Variants in KITLG observed in about 807,000 individuals in gnomAD.
The protein encoded by KITLG is KIT ligand.
KITLG carries 13 observed loss-of-function variants against 34.1 expected under a neutral mutation model. That is an observed-to-expected ratio of 0.38 (90% CI 0.25 to 0.61). KITLG has a LOEUF of 0.61. Ranked by LOEUF, KITLG falls within the 20% of genes least tolerant of loss-of-function variation. The pLI is 0.60. For missense variants in KITLG, 292 were observed against 318.9 expected, an observed-to-expected ratio of 0.92 and a Z score of 0.64; for synonymous variants, 110 against 104.0, an observed-to-expected ratio of 1.06 and a Z score of -0.35.
At chr12:88,566,951 G>A (rs576725206) in intron 1 of KITLG, among the ~76,000 whole-genome samples, 24 of 152,264 alleles carry the variant, frequency 1.6e-4, no homozygotes, top group African/African-American at 5.8e-4. Context: ...GATCTCCTGC[G>A]CTGTCAGTAA....
At chr12:88,574,496 C>T (rs563929603) in intron 1 of KITLG, among the ~76,000 whole-genome samples, 3 of 152,224 alleles carry the variant, frequency 2.0e-5, no homozygotes, top group Admixed American at 1.3e-4. Context: ...CTCCGTGTCT[C>T]CAGCTGCAGC....
intron 1 of KITLG, among the ~76,000 whole-genome samples, chr12:88,548,626 G>A (rs1358173901): frequency 6.6e-6 from 1 of 152,120 alleles, no homozygotes; most frequent in Non-Finnish European, 1.5e-5. Context: ...TAGCTGAGCA[G>A]CTTTTTAGGG....
intron 1 of KITLG, among the ~76,000 whole-genome samples, chr12:88,557,160 TTC>T (rs1411836344): frequency 7.9e-5 from 12 of 152,222 alleles, no homozygotes; most frequent in Non-Finnish European, 1.6e-4. Context: ...AACTCAGCAT[TTC>T]TCTTTTTTAA....
At chr12:88,569,351 C>T (rs1293420082) in intron 1 of KITLG, among the ~76,000 whole-genome samples, 3 of 152,174 alleles carry the variant, frequency 2.0e-5, no homozygotes, top group African/African-American at 4.8e-5. Context: ...CTACATTACT[C>T]AGGACAAAAG....
At position 88,544,517 on chromosome 12, in the gene KITLG, A is replaced by C. The variant is rs112989203; in HGVS notation, c.129+1235T>G. ...TTTTTAAACAGTATGTTTTTAAAAA[A>C]AAAAAAGTACTCCCCCCTCACCCCC... On this transcript the variant is annotated intron_variant, in intron 2 of 9. Transcript: ENST00000644744. Among the ~76,000 whole-genome samples, 313 of 151,626 alleles carry C rather than the reference A, an allele frequency of 2.1e-3. 1 individual carries two copies. The highest frequency in any genetic ancestry group is 7.5e-3 in the African/African-American group (309 of 41,450).
chr12:88,518,791 T>G lies in KITLG; in HGVS notation c.269A>C (p.Asn90Thr). The change falls in exon 4 of 10, where the codon AAT (asparagine) becomes ACT (threonine). Residue 90 changes from asparagine (N) to threonine (T), a missense_variant. Asn to Thr is a moderately conservative substitution (Grantham distance 65, BLOSUM62 0). Transcript: ENST00000644744. The part of the protein sequence containing the change: ...SLTDLLDKFS[N>T]ISEGLSNYSI... ...ATAATTACTCAAGCCTTCAGAAATA[T>G]TTGAAAACTTGTCCAGAAGATCAGT... 6.2e-7 allele frequency: 1 copy of G among 1,613,434 alleles called. No individual in the cohort carries two copies. The highest frequency in any genetic ancestry group is 8.5e-7 in the Non-Finnish European group (1 of 1,179,510).
chr12:88,518,688 C>T lies in KITLG; in HGVS notation c.363+9G>A. 1.2e-6 allele frequency: 2 copies of T among 1,609,210 alleles called. No homozygotes were observed. The highest frequency in any genetic ancestry group is 1.7e-6 in the Non-Finnish European group (2 of 1,175,794). ...TAATGAAAAATAATCCCAATGAACA[C>T]AAAGTTACCTTAGATGAGTTTTCTT... On this transcript the variant is annotated intron_variant, in intron 4 of 9. Coordinates refer to ENST00000644744, the MANE Select transcript of KITLG (RefSeq NM_000899.5).
At chr12:88,562,961 A>G (rs1177676766) in intron 1 of KITLG, among the ~76,000 whole-genome samples, 1 of 152,208 alleles carries the variant, frequency 6.6e-6, no homozygotes, top group Non-Finnish European at 1.5e-5. Flanking sequence ...TAAAAAAGCG[A>G]AAACACTGAA....
chr12:88,541,743 T>C (rs1477245065), intron 2 of KITLG, among the ~76,000 whole-genome samples: 5 of 152,138 alleles, frequency 3.3e-5, no homozygotes, highest in Non-Finnish European at 2.9e-5. Context: ...TTATGCTTAG[T>C]AAACAGGCCA....
chr12:88,542,055 C>A (rs1870537244), intron 2 of KITLG, among the ~76,000 whole-genome samples: 1 of 152,106 alleles, frequency 6.6e-6, no homozygotes. Context: ...GTTATGTCTG[C>A]AAAGCAAATT....
At chr12:88,532,527 C>T (rs1282330797) in intron 2 of KITLG, 24 bp from the exon 3 acceptor site, 2 of 1,511,590 alleles carry the variant, frequency 1.3e-6, no homozygotes, top group Non-Finnish European at 9.1e-7. Flanking sequence ...AAAAAAAATT[C>T]CATAAGAAAA....
chr12:88,512,931 G>C (rs902168353), intron 6 of KITLG, among the ~76,000 whole-genome samples: 3 of 151,712 alleles, frequency 2.0e-5, no homozygotes, highest in Non-Finnish European at 4.4e-5. Flanking sequence ...ATACCAAATG[G>C]AAACCTGGAC....
At chr12:88,527,147 C>T (rs1286345905) in intron 3 of KITLG, among the ~76,000 whole-genome samples, 5 of 152,132 alleles carry the variant, frequency 3.3e-5, no homozygotes, top group East Asian at 3.9e-4. Flanking sequence ...AGATTACAGG[C>T]GTGAGCCACT....
chr12:88,503,034 C>G (rs1868923937), intron 9 of KITLG, among the ~76,000 whole-genome samples: 2 of 152,096 alleles, frequency 1.3e-5, no homozygotes, highest in African/African-American at 2.4e-5. Flanking sequence ...AGCAAACGGT[C>G]TATCCATTTA....
At chr12:88,565,052 C>T (rs1871401004) in intron 1 of KITLG, among the ~76,000 whole-genome samples, 1 of 152,154 alleles carries the variant, frequency 6.6e-6, no homozygotes, top group Non-Finnish European at 1.5e-5. Flanking sequence ...TGCTGAACTC[C>T]TTAACCATAT....
At chr12:88,529,014 AC>A (rs1199383840) in intron 3 of KITLG, among the ~76,000 whole-genome samples, 15 of 152,324 alleles carry the variant, frequency 9.8e-5, no homozygotes, top group Non-Finnish European at 1.6e-4. Flanking sequence ...AATGTTCCTA[AC>A]ACAAAGAAAT....
intron 4 of KITLG, among the ~76,000 whole-genome samples, chr12:88,516,872 T>C (rs1472856525): frequency 1.3e-5 from 2 of 149,358 alleles, no homozygotes; most frequent in Admixed American, 6.7e-5. Context: ...CCATAATGCA[T>C]GCTCTAATAT....
intron 1 of KITLG, chr12:88,564,163 T>A (rs1173461554): frequency 6.6e-6 from 1 of 152,176 alleles, no homozygotes; most frequent in Non-Finnish European, 1.5e-5. Context: ...GGGAAGATTA[T>A]TTTGCTTTCA....
intron 1 of KITLG, among the ~76,000 whole-genome samples, chr12:88,574,321 T>C (rs1429677433): frequency 6.6e-6 from 1 of 151,026 alleles, no homozygotes; most frequent in African/African-American, 2.4e-5. Flanking sequence ...AGAAAAGGGC[T>C]ACGGCTAGCT....
Sources: allele counts gnomAD v4.1 joint callset (sites outside exome capture counted in the v4.1 genomes callset), GRCh38; gene constraint gnomAD v4.1.1; transcripts MANE v1.5; gene names NCBI Gene and HGNC (gene_info 2026-07-23, HGNC 2026-07-21).